TAF12: variants seen among roughly 807,000 people sequenced by gnomAD.
TAF12 encodes transcription initiation factor TFIID subunit 12.
A neutral mutation model predicts 20.8 loss-of-function variants in TAF12; 3 were observed. The observed-to-expected ratio is 0.14, with a 90% CI of 0.07 to 0.37. The LOEUF is 0.37. TAF12 is among the 10% of genes least tolerant of loss of function. The pLI is 1.00. For synonymous variants in TAF12, 69 were observed against 70.2 expected (o/e 0.98, Z 0.09); for missense variants, 131 against 197.9 (o/e 0.66, Z 2.03).
intron 1 of TAF12, among the ~76,000 whole-genome samples, chr1:28,624,973 T>C (rs746746720): frequency 5.9e-5 from 9 of 152,060 alleles, no homozygotes; most frequent in Non-Finnish European, 1.0e-4. Flanking sequence ...ACATTACCAA[T>C]AGAAGAGTCA....
chr1:28,639,426 C>CAAAAAAAAAAA (rs58772752), intron 1 of TAF12, among the ~76,000 whole-genome samples: 7 of 89,504 alleles, frequency 7.8e-5, no homozygotes, highest in African/African-American at 1.5e-4. Context: ...CTCCGTCTCA[C>CAAAAAAAAAAA]AAAAAAAAAA....
At chr1:28,644,301 C>T (rs1668130808), upstream of TAF12, among the ~76,000 whole-genome samples, 1 of 152,146 alleles carries the variant, frequency 6.6e-6, no homozygotes, top group South Asian at 2.1e-4. Flanking sequence ...TACCACGTTC[C>T]CAGTCCACCC....
chr1:28,609,098 C>T (rs113482558), intron 4 of TAF12, among the ~76,000 whole-genome samples: 11 of 151,900 alleles, frequency 7.2e-5, no homozygotes, highest in African/African-American at 2.4e-4. Flanking sequence ...TTTTTTGAGA[C>T]TGAGTTTTGC....
At chr1:28,628,336 G>C (rs551100677) in intron 1 of TAF12, among the ~76,000 whole-genome samples, 1 of 145,110 alleles carries the variant, frequency 6.9e-6, no homozygotes, top group East Asian at 2.0e-4. Flanking sequence ...CTGCACTCCA[G>C]CCTGGGTGAC....
At chr1:28,640,393 G>A (rs889529285) in intron 1 of TAF12, among the ~76,000 whole-genome samples, 5 of 152,122 alleles carry the variant, frequency 3.3e-5, no homozygotes, top group African/African-American at 1.2e-4. Context: ...CTTCTATTTT[G>A]CTGATGGACA....
chr1:28,632,926 C>T (rs750478371), intron 1 of TAF12, among the ~76,000 whole-genome samples: 2 of 152,022 alleles, frequency 1.3e-5, no homozygotes, highest in East Asian at 1.9e-4. Context: ...TGCAATAGAA[C>T]GATTTCAGCT....
Position 28,637,908 on chromosome 1 carries a change from C to T in TAF12, c.-85+5084G>A, listed in dbSNP as rs887512521. Among the ~76,000 whole-genome samples, 4 of 152,082 alleles carry T rather than the reference C, an allele frequency of 2.6e-5. No individual in the cohort carries two copies. In the East Asian group the frequency reaches 7.7e-4, roughly 29 times the overall value. On this transcript the variant is annotated intron_variant, in intron 1 of 5. Coordinates refer to ENST00000373824, the MANE Select transcript of TAF12 (RefSeq NM_005644.4). ...GTTCATGCCTACAATCCCAGCACTT[C>T]GGGAGGCAGATGTAGGAGGATCACT...
At chr1:28,646,983 C>T (rs1267736583), upstream of TAF12, among the ~76,000 whole-genome samples, 2 of 152,088 alleles carry the variant, frequency 1.3e-5, no homozygotes, top group South Asian at 2.1e-4. Context: ...CAGGCGTGAG[C>T]CACCGCACCC....
At chr1:28,613,807 A>G (rs1666943311) in intron 3 of TAF12, among the ~76,000 whole-genome samples, 1 of 152,202 alleles carries the variant, frequency 6.6e-6, no homozygotes, top group South Asian at 2.1e-4. Context: ...GTTCATGGCC[A>G]TGTAAGTAGA....
chr1:28,639,441 A>AAAAAAAAAAAAAAAT (rs1667961701), intron 1 of TAF12, among the ~76,000 whole-genome samples: 1 of 150,998 alleles, frequency 6.6e-6, no homozygotes. Context: ...AAAAAAAAAA[A>AAAAAAAAAAAAAAAT]GGTAATATGT....
At chr1:28,640,939 T>C (rs1668008295) in intron 1 of TAF12, among the ~76,000 whole-genome samples, 2 of 151,994 alleles carry the variant, frequency 1.3e-5, no homozygotes. Context: ...TAGCTGGGTG[T>C]AGTGGCTCAT....
chr1:28,642,584 T>C, intron 1 of TAF12: 4 of 964,334 alleles, frequency 4.1e-6, no homozygotes, highest in Non-Finnish European at 4.9e-6. Flanking sequence ...TTCTGAATCC[T>C]TAGGAGCCCG....
intron 1 of TAF12, among the ~76,000 whole-genome samples, chr1:28,641,580 G>C (rs1336197713): frequency 6.6e-6 from 1 of 152,108 alleles, no homozygotes; most frequent in Admixed American, 6.6e-5. Context: ...GATCACTTGA[G>C]CTTAGGAGTT....
intron 2 of TAF12, among the ~76,000 whole-genome samples, chr1:28,619,446 C>T (rs1209924525): frequency 4.3e-5 from 6 of 138,618 alleles, no homozygotes; most frequent in Non-Finnish European, 7.7e-5. Context: ...TGCAGTGAGA[C>T]GAGATTGCGC....
At chr1:28,604,495 T>C (rs1399525519) in intron 5 of TAF12, among the ~76,000 whole-genome samples, 1 of 152,168 alleles carries the variant, frequency 6.6e-6, no homozygotes, top group Non-Finnish European at 1.5e-5. Flanking sequence ...TATTATGGCA[T>C]TTGTCGACTA....
intron 3 of TAF12, among the ~76,000 whole-genome samples, chr1:28,614,545 T>A (rs1030672944): frequency 6.6e-6 from 1 of 152,022 alleles, no homozygotes; most frequent in Admixed American, 6.6e-5. Flanking sequence ...TAGCTGGGCA[T>A]GGTGGCAGGC....
intron 1 of TAF12, among the ~76,000 whole-genome samples, chr1:28,634,667 C>A (rs991939563): frequency 1.3e-5 from 2 of 152,134 alleles, no homozygotes; most frequent in African/African-American, 4.8e-5. Flanking sequence ...CAGTGGCTCA[C>A]GCCTGTAATC....
chr1:28,613,855 C>T (rs547500454), intron 3 of TAF12, among the ~76,000 whole-genome samples: 8 of 152,280 alleles, frequency 5.3e-5, no homozygotes, highest in African/African-American at 1.9e-4. Flanking sequence ...TGCCTGTAAT[C>T]TCAGCACTTT....
At chr1:28,642,179 T>C (rs1003827758) in intron 1 of TAF12, among the ~76,000 whole-genome samples, 1 of 152,152 alleles carries the variant, frequency 6.6e-6, no homozygotes, top group Non-Finnish European at 1.5e-5. Flanking sequence ...AATGAAGATG[T>C]TTGCATATGG....
Sources: allele counts gnomAD v4.1 joint callset (sites outside exome capture counted in the v4.1 genomes callset), GRCh38; gene constraint gnomAD v4.1.1; transcripts MANE v1.5; gene names NCBI Gene and HGNC (gene_info 2026-07-23, HGNC 2026-07-21).